RAB3GAP2: variants seen among roughly 807,000 people sequenced by gnomAD.
The protein encoded by RAB3GAP2 is RAB3 GTPase activating non-catalytic protein subunit 2, also known as rab3 GTPase-activating protein non-catalytic subunit.
In RAB3GAP2, 87 loss-of-function variants were observed where a neutral mutation model predicts 185.3. The observed-to-expected ratio is 0.47, with a 90% CI of 0.39 to 0.56. The LOEUF is 0.56. Among genes scored for constraint, RAB3GAP2 ranks in the 20% least tolerant of loss-of-function variants. The pLI, the probability that RAB3GAP2 is intolerant of heterozygous loss-of-function variation, is 0.00. For missense variants in RAB3GAP2, 1,492 were observed against 1,638.2 expected, an observed-to-expected ratio of 0.91 and a Z score of 1.54; for synonymous variants, 554 against 576.1, an observed-to-expected ratio of 0.96 and a Z score of 0.55.
In RAB3GAP2 at chr1:220,182,754, T is replaced by G. The variant is rs148513462; in HGVS notation, c.2176A>C (p.Ile726Leu). Residue 726 changes from isoleucine (I) to leucine (L), a missense_variant, in exon 20 of 35, where the codon ATA becomes CTA. Physicochemically the swap from Ile to Leu is conservative, Grantham distance 5. Transcript: ENST00000358951. ...TATTCCTCTTCACTTATTTTCTTTA[T>G]GTTGAGCACATCCTTTTCATATTCT... is the stretch of plus-strand genomic sequence containing the variant. Reference protein sequence around the residue: ...YLEYEKDVLNIKKISEEEYVA... With the variant: ...YLEYEKDVLNLKKISEEEYVA... The G allele has an allele frequency of 6.2e-7, 1 of 1,610,374 alleles. No individual in the cohort carries two copies. The highest frequency in any genetic ancestry group is 8.5e-7 in the Non-Finnish European group (1 of 1,179,222).
At chr1:220,264,283 T>C (rs1300232280) in intron 1 of RAB3GAP2, among the ~76,000 whole-genome samples, 1 of 152,036 alleles carries the variant, frequency 6.6e-6, no homozygotes, top group African/African-American at 2.4e-5. Flanking sequence ...TGTAAATAAG[T>C]GAGGAAAACA....
chr1:220,209,786 C>T (rs1352264511), intron 7 of RAB3GAP2, among the ~76,000 whole-genome samples: 2 of 152,110 alleles, frequency 1.3e-5, no homozygotes, highest in Non-Finnish European at 2.9e-5. Flanking sequence ...CTATGCACTC[C>T]GCAAAACAAA....
chr1:220,248,903 G>A (rs1322330154), intron 1 of RAB3GAP2, among the ~76,000 whole-genome samples: 1 of 152,114 alleles, frequency 6.6e-6, no homozygotes, highest in African/African-American at 2.4e-5. Context: ...ACCATGTGAA[G>A]AAGGACATGT....
intron 12 of RAB3GAP2, 46 bp downstream of exon 12, chr1:220,195,032 G>C: frequency 6.5e-7 from 1 of 1,542,764 alleles, no homozygotes. Context: ...ACATTTAACA[G>C]TACCTTTCTA....
intron 2 of RAB3GAP2, among the ~76,000 whole-genome samples, chr1:220,223,013 T>C (rs1257183598): frequency 6.6e-6 from 1 of 152,218 alleles, no homozygotes; most frequent in Middle Eastern, 3.2e-3. Flanking sequence ...TATACTTCTC[T>C]ATTGCCTGAA....
intron 21 of RAB3GAP2, among the ~76,000 whole-genome samples, chr1:220,179,861 AGGAGTGCTAAGAG>A (rs1347837672): frequency 6.6e-6 from 1 of 152,210 alleles, no homozygotes; most frequent in African/African-American, 2.4e-5. Flanking sequence ...ATGCAGCAAA[AGGAGTGCTAAGAG>A]GGAAGTCGGC....
intron 33 of RAB3GAP2, among the ~76,000 whole-genome samples, chr1:220,152,799 T>A (rs1354640844): frequency 2.0e-5 from 3 of 152,178 alleles, no homozygotes; most frequent in African/African-American, 7.2e-5. Context: ...TCAAGTGATC[T>A]GCCACCTGAG....
rs150009324 is a variant in RAB3GAP2 at position 220,219,216 on chromosome 1, G to C, written c.181-5237C>G. ...CAATGTAAGCAAAGATCCTAGAACTGCTTGTCTGTACAGATCAACAATCTC... is the reference window on the plus strand; with the variant it reads ...CAATGTAAGCAAAGATCCTAGAACTCCTTGTCTGTACAGATCAACAATCTC... On this transcript the variant is annotated intron_variant, in intron 2 of 34. Coordinates refer to ENST00000358951, the MANE Select transcript of RAB3GAP2 (RefSeq NM_012414.4). 9.7e-3 allele frequency among the ~76,000 whole-genome samples: 1,478 copies of C among 152,254 alleles called. 22 individuals are homozygous for C. Among genetic ancestry groups the C allele is most frequent in the African/African-American group, 0.03 (1,227 of 41,542 alleles).
rs1660351839 is a variant in RAB3GAP2 at position 220,272,288 on chromosome 1, G to A, written c.50C>T (p.Ala17Val). Residue 17 changes from alanine to valine, a missense_variant, in exon 1 of 35, where the codon GCC becomes GTC. Ala to Val is a moderately conservative substitution (Grantham distance 64). Transcript: ENST00000358951. ...QFCYFQDLQA[A>V]RDFLFPHLRE... ...CAGGTGAGGAAAGAGGAAGTCCCGGGCGGCCTGGAGGTCCTGGAAGTAGCA... is the reference window on the plus strand; with the variant it reads ...CAGGTGAGGAAAGAGGAAGTCCCGGACGGCCTGGAGGTCCTGGAAGTAGCA... 1.9e-6 allele frequency: 3 copies of A among 1,612,588 alleles called. No homozygotes were observed. The highest frequency in any genetic ancestry group is 2.5e-6 in the Non-Finnish European group (3 of 1,179,714).
intron 8 of RAB3GAP2, among the ~76,000 whole-genome samples, chr1:220,202,693 AGCACTTT>A (rs1285920993): frequency 2.6e-5 from 4 of 152,358 alleles, no homozygotes; most frequent in Non-Finnish European, 5.9e-5. Flanking sequence ...CTGTAATCCC[AGCACTTT>A]GGGAGGCCGA....
intron 15 of RAB3GAP2, 33 bp from the exon 16 acceptor site, chr1:220,190,179 A>G: frequency 6.4e-7 from 1 of 1,569,498 alleles, no homozygotes; most frequent in Non-Finnish European, 8.8e-7. Context: ...TTATTACAGA[A>G]TGTGAAATTA....
intron 2 of RAB3GAP2, chr1:220,219,668 A>G (rs1659265709): frequency 6.6e-6 from 1 of 152,242 alleles, no homozygotes. Flanking sequence ...GTGTGAGTCC[A>G]TCTGAAGTGA....
At chr1:220,250,688 T>C (rs1305593452) in intron 1 of RAB3GAP2, among the ~76,000 whole-genome samples, 1 of 152,128 alleles carries the variant, frequency 6.6e-6, no homozygotes, top group Non-Finnish European at 1.5e-5. Context: ...AGGGACCTGG[T>C]GGTAGGTAAT....
chr1:220,157,596 G>A, intron 30 of RAB3GAP2, 108 bp from the exon 31 acceptor site: 1 of 1,129,624 alleles, frequency 8.9e-7, no homozygotes, highest in Admixed American at 2.2e-5. Context: ...ATTGCACACT[G>A]TCCCAAATTG....
Position 220,213,923 on chromosome 1 carries a change from A to C in RAB3GAP2, c.237T>G (p.Val79=). The change falls in exon 3 of 35, where the codon GTT becomes GTG. Residue 79 remains valine, a synonymous_variant. Transcript: ENST00000358951. ...TQKTSWLQDC[V]LSLSPTNDLM... ...GATCATTGGTTGGAGATAAGGATAA[A>C]ACACAATCTTGGAGCCAGGAAGTTT... The C allele has an allele frequency of 6.2e-7, 1 of 1,613,350 alleles. No homozygotes were observed. Among genetic ancestry groups the C allele is most frequent in the Non-Finnish European group, 8.5e-7 (1 of 1,179,374 alleles).
Position 220,164,792 on chromosome 1 carries a change from C to G in RAB3GAP2, c.3095G>C (p.Arg1032Pro). ...VQWNKDPEEARFFVRSIEHLK... is the reference protein window; with the variant it reads ...VQWNKDPEEAPFFVRSIEHLK... ...GTGTTCTATTGACCTAACAAAAAAA[C>G]GTGCTTCCTTACATACAGGGAGAAA... is the stretch of plus-strand genomic sequence containing the variant. Residue 1032 changes from arginine (R) to proline (P), a missense_variant, in exon 27 of 35, where the codon CGT becomes CCT. This residue lies in a region of RAB3GAP2 where 387 missense variants were observed against 455.3 expected (regional missense o/e 0.85). Coordinates refer to ENST00000358951, the MANE Select transcript of RAB3GAP2 (RefSeq NM_012414.4). The G allele has an allele frequency of 6.2e-7, 1 of 1,607,838 alleles. No homozygotes were observed. The highest frequency in any genetic ancestry group is 8.5e-7 in the Non-Finnish European group (1 of 1,176,248).
rs1320473301 is a variant in RAB3GAP2 at position 220,167,330 on chromosome 1, C to A, written c.3050G>T (p.Cys1017Phe). Residue 1017 changes from cysteine (C) to phenylalanine (F), a missense_variant, in exon 26 of 35, where the codon TGC (cysteine) becomes TTC (phenylalanine). Physicochemically the swap from Cys to Phe is radical, Grantham distance 205 (BLOSUM62 -2). Transcript: ENST00000358951. ...LELDVLHAHC[C>F]WEYVVQWNKD... ...ATTCCACTGAACAACGTACTCCCAG[C>A]AGCAATGTGCATGCAAGACATCGAG... 1.9e-6 allele frequency: 3 copies of A among 1,614,166 alleles called. No homozygotes were observed. Among genetic ancestry groups the A allele is most frequent in the Non-Finnish European group, 2.5e-6 (3 of 1,180,010 alleles).
intron 31 of RAB3GAP2, among the ~76,000 whole-genome samples, chr1:220,154,767 C>A (rs1183629572): frequency 2.8e-5 from 4 of 143,096 alleles, no homozygotes; most frequent in Non-Finnish European, 6.0e-5. Context: ...GTTGCCTAGG[C>A]TGGAGTACAG....
chr1:220,251,181 T>C (rs1264682701), intron 1 of RAB3GAP2, among the ~76,000 whole-genome samples: 4 of 152,234 alleles, frequency 2.6e-5, no homozygotes, highest in Non-Finnish European at 5.9e-5. Context: ...AACAATTGCA[T>C]ATCCATTTGC....
Sources: allele counts gnomAD v4.1 joint callset (sites outside exome capture counted in the v4.1 genomes callset), GRCh38; gene constraint gnomAD v4.1.1; regional missense constraint gnomAD v4.1.1; transcripts MANE v1.5; gene names NCBI Gene and HGNC (gene_info 2026-07-23, HGNC 2026-07-21).